FRMPD1: variants seen among roughly 807,000 people sequenced by gnomAD.
The protein encoded by FRMPD1 is FERM and PDZ domain-containing protein 1.
Under a neutral mutation model 117.8 loss-of-function variants are expected in FRMPD1, and 76 were observed. That is an observed-to-expected ratio of 0.65 (90% CI 0.54 to 0.78). The LOEUF (loss-of-function observed/expected upper bound fraction) is 0.78. Among genes scored for constraint, FRMPD1 ranks in the 30% least tolerant of loss-of-function variants. The probability of loss-of-function intolerance (pLI) is 0.00; values close to 1 mark genes in which losing one functional copy is unlikely to be tolerated. For synonymous variants in FRMPD1, 783 were observed against 770.4 expected, an observed-to-expected ratio of 1.02 and a Z score of -0.27; for missense variants, 1,786 against 1,964.5, an observed-to-expected ratio of 0.91 and a Z score of 1.72.
At chr9:37,699,835 A>G (rs1822470029) in intron 2 of FRMPD1, among the ~76,000 whole-genome samples, 2 of 152,196 alleles carry the variant, frequency 1.3e-5, no homozygotes, top group African/African-American at 4.8e-5. Context: ...AGGCACATAC[A>G]TGCATACATG....
At chr9:37,643,920 T>C in the FRMPD1 span, among the ~76,000 whole-genome samples, 1 of 152,212 alleles carries the variant, frequency 6.6e-6, no homozygotes, top group Admixed American at 6.5e-5. Flanking sequence ...GGGGTTGCGC[T>C]GCTGTGTGCC....
intron 2 of FRMPD1, chr9:37,693,009 T>A (rs3827513): frequency 3.8e-6 from 2 of 524,810 alleles, no homozygotes; most frequent in South Asian, 4.5e-5. Flanking sequence ...CACACAGACA[T>A]ACACACAGAA....
At position 37,657,347 on chromosome 9, in the gene FRMPD1, A is replaced by G. The variant is rs540667787; in HGVS notation, c.-5+6253A>G. Among the ~76,000 whole-genome samples the G allele has an allele frequency of 1.5e-4, 23 of 152,260 alleles. 1 individual carries two copies. The highest frequency in any genetic ancestry group is 2.6e-4 in the Non-Finnish European group (18 of 68,048). On this transcript the variant is annotated intron_variant, in intron 1 of 15. Transcript: ENST00000377765. Reference sequence around the variant, plus strand: ...CTGCTTTGTTGTTTTCTTTGCTCCAATGTAGAATTCAGAAGGATGCAAAAG... The same window carrying G: ...CTGCTTTGTTGTTTTCTTTGCTCCAGTGTAGAATTCAGAAGGATGCAAAAG...
the FRMPD1 span, among the ~76,000 whole-genome samples, chr9:37,626,641 A>AAAAAAAG: frequency 6.9e-6 from 1 of 145,774 alleles, no homozygotes; most frequent in African/African-American, 2.6e-5. Context: ...AAAAAAAAAA[A>AAAAAAAG]AGCTGGAGGT....
At chr9:37,688,957 A>G (rs1411579636) in intron 1 of FRMPD1, among the ~76,000 whole-genome samples, 5 of 152,096 alleles carry the variant, frequency 3.3e-5, no homozygotes, top group African/African-American at 1.2e-4. Flanking sequence ...TAAGTTAAAC[A>G]TTATTAAAAA....
intron 1 of FRMPD1, among the ~76,000 whole-genome samples, chr9:37,653,132 G>A (rs1820731445): frequency 6.6e-6 from 1 of 152,186 alleles, no homozygotes; most frequent in African/African-American, 2.4e-5. Flanking sequence ...TGGAGGCTCT[G>A]AACCTGGGCT....
the FRMPD1 span, among the ~76,000 whole-genome samples, chr9:37,628,153 C>A: frequency 6.6e-6 from 1 of 152,210 alleles, no homozygotes; most frequent in Non-Finnish European, 1.5e-5. Context: ...TTCAGACTAA[C>A]AAGGCTTTAC....
the FRMPD1 span, among the ~76,000 whole-genome samples, chr9:37,625,865 G>T: frequency 6.6e-6 from 1 of 152,246 alleles, no homozygotes; most frequent in Non-Finnish European, 1.5e-5. Context: ...GTTGCTGTCT[G>T]CAGCGCCTCA....
chr9:37,609,013 G>A, the FRMPD1 span, among the ~76,000 whole-genome samples: 5 of 152,154 alleles, frequency 3.3e-5, no homozygotes, highest in Non-Finnish European at 5.9e-5. Flanking sequence ...ATCTCAGGCC[G>A]GGCATGGTGG....
the FRMPD1 span, among the ~76,000 whole-genome samples, chr9:37,622,850 G>T: frequency 6.6e-6 from 1 of 151,960 alleles, no homozygotes; most frequent in Non-Finnish European, 1.5e-5. Flanking sequence ...AAAGCTGCAC[G>T]CAGCCAATTG....
intron 5 of FRMPD1, among the ~76,000 whole-genome samples, chr9:37,716,935 A>G (rs1335540408): frequency 6.6e-6 from 1 of 151,972 alleles, no homozygotes; most frequent in Non-Finnish European, 1.5e-5. Flanking sequence ...TGGCAAGTTC[A>G]CTCTCTGGGG....
At chr9:37,661,755 A>T (rs1490831476) in intron 1 of FRMPD1, 3 of 152,232 alleles carry the variant, frequency 2.0e-5, no homozygotes, top group Non-Finnish European at 4.4e-5. Context: ...CAGCTTTGAC[A>T]CTACATTTAA....
chr9:37,699,303 A>C (rs931815605), intron 2 of FRMPD1, among the ~76,000 whole-genome samples: 28 of 150,208 alleles, frequency 1.9e-4, no homozygotes, highest in African/African-American at 5.6e-4. Context: ...AGATTTACTG[A>C]ATTCTCTCTG....
At chr9:37,697,572 GA>G (rs891111357) in intron 2 of FRMPD1, among the ~76,000 whole-genome samples, 3 of 141,452 alleles carry the variant, frequency 2.1e-5, no homozygotes, top group Non-Finnish European at 4.7e-5. Flanking sequence ...GTCTCAAAAA[GA>G]AAAAAAAAAG....
the FRMPD1 span, among the ~76,000 whole-genome samples, chr9:37,606,491 A>G: frequency 8.5e-5 from 13 of 152,280 alleles, no homozygotes; most frequent in East Asian, 2.5e-3. Flanking sequence ...AGATACCTGT[A>G]TTTTTCTGGT....
chr9:37,737,074 A>G (rs764465346), intron 13 of FRMPD1, 22 bp from the exon 14 acceptor site: 24 of 1,599,446 alleles, frequency 1.5e-5, no homozygotes, highest in Non-Finnish European at 1.8e-5. Flanking sequence ...GATAAACATG[A>G]GATTTCTATT....
chr9:37,662,786 A>G (rs1294365418), intron 1 of FRMPD1, among the ~76,000 whole-genome samples: 1 of 152,180 alleles, frequency 6.6e-6, no homozygotes, highest in African/African-American at 2.4e-5. Context: ...AAGAAAAAAA[A>G]AATATCCAAG....
At chr9:37,607,247 C>T in the FRMPD1 span, among the ~76,000 whole-genome samples, 3 of 152,054 alleles carry the variant, frequency 2.0e-5, no homozygotes, top group Non-Finnish European at 2.9e-5. Flanking sequence ...ACCCGAGAGG[C>T]GGAGGTTGCA....
chr9:37,732,067 A>T (rs1442332929), intron 9 of FRMPD1, among the ~76,000 whole-genome samples: 8 of 152,114 alleles, frequency 5.3e-5, no homozygotes, highest in Non-Finnish European at 1.2e-4. Context: ...CTGCTTTCAT[A>T]TGCATTATCT....
Sources: allele counts gnomAD v4.1 joint callset (sites outside exome capture counted in the v4.1 genomes callset), GRCh38; gene constraint gnomAD v4.1.1; transcripts MANE v1.5; gene names NCBI Gene and HGNC (gene_info 2026-07-23, HGNC 2026-07-21).